The following UACA variants were observed in gnomAD, a reference collection of about 807,000 sequenced individuals.
UACA encodes the protein nuclear membrane binding protein.
UACA carries 112 observed loss-of-function variants against 160.5 expected under a neutral mutation model. That is an observed-to-expected ratio of 0.70 (90% CI 0.60 to 0.82). UACA has a LOEUF of 0.82. Among genes scored for constraint, UACA ranks in the 40% least tolerant of loss-of-function variants. The probability of loss-of-function intolerance (pLI) is 0.00; values close to 1 mark genes in which losing one functional copy is unlikely to be tolerated. For missense variants in UACA, 1,574 were observed against 1,614.6 expected, an observed-to-expected ratio of 0.97 and a Z score of 0.43; for synonymous variants, 557 against 568.4, an observed-to-expected ratio of 0.98 and a Z score of 0.29.
intron 16 of UACA, among the ~76,000 whole-genome samples, chr15:70,666,385 C>A (rs1418989675): frequency 6.6e-6 from 1 of 152,132 alleles, no homozygotes; most frequent in Non-Finnish European, 1.5e-5. Flanking sequence ...TGGTTTCTTG[C>A]AGCCCAGAAA....
At chr15:70,662,743 C>G (rs546633959) in intron 17 of UACA, among the ~76,000 whole-genome samples, 56 of 152,188 alleles carry the variant, frequency 3.7e-4, no homozygotes, top group African/African-American at 1.2e-3. Flanking sequence ...ACAAACCTGA[C>G]AAAAACAAGA....
chr15:70,659,366 T>C (rs1896598037), intron 18 of UACA, among the ~76,000 whole-genome samples: 1 of 144,134 alleles, frequency 6.9e-6, no homozygotes, highest in African/African-American at 2.5e-5. Context: ...TCTCTCAACA[T>C]CCATCTTTCC....
rs1899328519 is a variant in UACA at position 70,735,210 on chromosome 15, T to TG, written c.78+28119dup. Among the ~76,000 whole-genome samples the TG allele has an allele frequency of 2.6e-5, 3 of 115,136 alleles. No homozygotes were observed. In the Admixed American group the frequency reaches 3.0e-4, roughly 11 times the overall value. 75.5% of individuals were successfully genotyped at this position (115,136 alleles called of 152,430 possible). A position where few individuals can be genotyped will look rare whatever the true frequency, so the allele number is the denominator to read the frequency against. ...AGACACTAGAGGGCAGACAGAGGGA[T>TG]GGGGGGAAGGGCTGAAAAACTGCAT... On this transcript the variant is annotated intron_variant, in intron 1 of 18. Transcript: ENST00000322954.
In UACA at chr15:70,664,728, G is replaced by A; in HGVS notation, c.4047C>T (p.Thr1349=). The A allele has an allele frequency of 6.2e-7, 1 of 1,613,622 alleles. No homozygotes were observed. Among genetic ancestry groups the A allele is most frequent in the Non-Finnish European group, 8.5e-7 (1 of 1,179,804 alleles). The change falls in exon 17 of 19, where the codon ACC becomes ACT. Residue 1349 remains threonine (T), a synonymous_variant. Coordinates refer to ENST00000322954, the MANE Select transcript of UACA (RefSeq NM_018003.4). The part of the protein sequence containing the change: ...SQLTYTSGNP[T]KRQSQLIDTL... ...TGTCAATCAGCTGGCTCTGCCTCTTGGTGGGGTTCCCACTTGTGTAGGTGA... is the reference window on the plus strand; with the variant it reads ...TGTCAATCAGCTGGCTCTGCCTCTTAGTGGGGTTCCCACTTGTGTAGGTGA...
intron 1 of UACA, chr15:70,702,251 A>G (rs1282754267): frequency 9.3e-7 from 1 of 1,071,000 alleles, no homozygotes; most frequent in Non-Finnish European, 1.1e-6. Context: ...GGAAAACTTG[A>G]ACAGCACTCT....
At chr15:70,672,912 T>A (rs1326041840) in intron 13 of UACA, among the ~76,000 whole-genome samples, 1 of 151,920 alleles carries the variant, frequency 6.6e-6, no homozygotes, top group African/African-American at 2.4e-5. Context: ...TTGGCCAACA[T>A]AGTGAAACCC....
rs1349844862 is a variant in UACA, at chr15:70,699,619, T to C, written c.120A>G (p.Lys40=). Residue 40 remains lysine, a synonymous_variant, in exon 2 of 19, where the codon AAA becomes AAG. Coordinates refer to ENST00000322954, the MANE Select transcript of UACA (RefSeq NM_018003.4). ...DWNKYDDRLM[K]AAERGDVEKV... ...TTTCTACATCCCCCCTTTCTGCTGCTTTCATCAATCGGTCATCATATTTAT... is the reference window on the plus strand; with the variant it reads ...TTTCTACATCCCCCCTTTCTGCTGCCTTCATCAATCGGTCATCATATTTAT... 5.0e-6 allele frequency: 8 copies of C among 1,611,692 alleles called. No homozygotes were observed. The highest frequency in any genetic ancestry group is 6.8e-6 in the Non-Finnish European group (8 of 1,179,426).
rs1483733617 is a variant in UACA at position 70,669,346 on chromosome 15, T to C, written c.1338A>G (p.Leu446=). ...YSENEILKKE[L]EAMRTFCESA... is the part of the protein sequence containing the mutation. ...ACTCACAGAAAGTTCGCATTGCTTC[T>C]AACTCTTTCTTTAAAATTTCATTTT... Residue 446 remains leucine, a synonymous_variant, in exon 16 of 19, where the codon TTA becomes TTG. Transcript: ENST00000322954. 1.9e-6 allele frequency: 3 copies of C among 1,613,980 alleles called. No individual in the cohort carries two copies. The African/African-American group carries it at 4.0e-5, about 22-fold the overall frequency.
At chr15:70,712,051 C>CATATATATATATATATATATAT (rs57543862) in intron 1 of UACA, among the ~76,000 whole-genome samples, 40 of 131,954 alleles carry the variant, frequency 3.0e-4, no homozygotes, top group South Asian at 1.0e-3. Flanking sequence ...AAGCTCCAGG[C>CATATATATATATATATATATAT]ATATATATAT....
intron 3 of UACA, among the ~76,000 whole-genome samples, chr15:70,692,021 T>G (rs1897956745): frequency 6.8e-6 from 1 of 147,584 alleles, no homozygotes; most frequent in Non-Finnish European, 1.5e-5. Context: ...GTAGGAACTA[T>G]CTACCTCCAA....
In UACA at chr15:70,655,971, CAGTT is replaced by C. The variant is rs1896465295; in HGVS notation, c.*1081_*1084del. The stretch of plus-strand genomic sequence containing the variant: ...CATATAAACTTTCCCTAATGAGATG[CAGTT>C]AATAAAAACGGTTGTTTACTTCAGA... On this transcript the variant is annotated 3_prime_UTR_variant, in exon 19 of 19. Transcript: ENST00000322954. The C allele has an allele frequency of 6.6e-6, 1 of 152,118 alleles. No individual in the cohort carries two copies. The highest frequency in any genetic ancestry group is 2.1e-4 in the South Asian group (1 of 4,828). The allele number at this position is 152,118 out of a possible 1,614,324, so 9.4% of individuals were successfully genotyped here. A position where few individuals can be genotyped will look rare whatever the true frequency, so the allele number is the denominator to read the frequency against.
chr15:70,715,539 T>C (rs1898797616), intron 1 of UACA, among the ~76,000 whole-genome samples: 1 of 152,100 alleles, frequency 6.6e-6, no homozygotes, highest in Admixed American at 6.5e-5. Context: ...TAATGTAAAA[T>C]GGGAATTATA....
At chr15:70,761,994 T>G (rs1320768131) in intron 1 of UACA, among the ~76,000 whole-genome samples, 3 of 152,150 alleles carry the variant, frequency 2.0e-5, no homozygotes, top group Non-Finnish European at 4.4e-5. Context: ...AGAAGTAGAA[T>G]CTTAACTGTA....
chr15:70,727,071 G>C lies in UACA; in HGVS notation c.79-27411C>G, dbSNP rs1031476150. Among the ~76,000 whole-genome samples, 5 of 152,216 alleles carry C rather than the reference G, an allele frequency of 3.3e-5. No individual in the cohort carries two copies. The East Asian group carries it at 7.7e-4, about 23-fold the overall frequency. ...AAACTCTAAATTCCTTTCATTTTAA[G>C]TATAAGGCTGTAGTATAAGAAGGTT... On this transcript the variant is annotated intron_variant, in intron 1 of 18. Transcript: ENST00000322954.
rs1455895333 is a variant in UACA, at chr15:70,669,370, T to G, written c.1314A>C (p.Glu438Asp). ...CTAACTCTTTCTTTAAAATTTCATTTTCAGAGTATGACGTTTGACTGGGTA... is the reference window on the plus strand; with the variant it reads ...CTAACTCTTTCTTTAAAATTTCATTGTCAGAGTATGACGTTTGACTGGGTA... ...LSLPSQTSYSENEILKKELEA... is the reference protein window; with the variant it reads ...LSLPSQTSYSDNEILKKELEA... Residue 438 changes from glutamate to aspartate, a missense_variant, in exon 16 of 19, where the codon GAA (glutamate) becomes GAC (aspartate). By Grantham distance (45) the Glu-to-Asp change is conservative. Coordinates refer to ENST00000322954, the MANE Select transcript of UACA (RefSeq NM_018003.4). 3.1e-6 allele frequency: 5 copies of G among 1,613,920 alleles called. No homozygotes were observed. The highest frequency in any genetic ancestry group is 3.4e-6 in the Non-Finnish European group (4 of 1,179,970).
the UACA span, among the ~76,000 whole-genome samples, chr15:70,770,238 C>T: frequency 2.0e-5 from 3 of 152,068 alleles, no homozygotes; most frequent in African/African-American, 7.2e-5. Context: ...TAATTTTGTA[C>T]CCAATTGTTA....
intron 1 of UACA, among the ~76,000 whole-genome samples, chr15:70,745,197 C>G (rs1213200256): frequency 6.6e-6 from 1 of 151,898 alleles, no homozygotes; most frequent in African/African-American, 2.4e-5. Flanking sequence ...TTTGGGATGC[C>G]GAGGCAGGCG....
chr15:70,682,849 G>A, intron 8 of UACA, 54 bp from the exon 9 acceptor site: 1 of 1,266,074 alleles, frequency 7.9e-7, no homozygotes, highest in South Asian at 1.5e-5. Flanking sequence ...CTTGGGGTAG[G>A]TACGCATTCC....
intron 1 of UACA, among the ~76,000 whole-genome samples, chr15:70,717,445 A>G (rs906420912): frequency 6.6e-6 from 1 of 152,162 alleles, no homozygotes; most frequent in Non-Finnish European, 1.5e-5. Flanking sequence ...TTAACTATTC[A>G]ACTCTGCCAC....
Sources: gnomAD v4.1 joint callset for allele counts (sites outside exome capture counted in the v4.1 genomes callset) on GRCh38, gnomAD v4.1.1 for gene constraint, MANE v1.5 for transcripts, NCBI Gene and HGNC (gene_info 2026-07-23, HGNC 2026-07-21) for gene names.